Variants in ABCA6 observed in about 807,000 individuals in gnomAD.
ABCA6 encodes ATP binding cassette subfamily A member 6, also known as ATP-binding cassette sub-family A member 6.
A neutral mutation model predicts 191.2 loss-of-function variants in ABCA6; 164 were observed. The observed-to-expected ratio is 0.86, with a 90% confidence interval of 0.76 to 0.98. The LOEUF (loss-of-function observed/expected upper bound fraction) is 0.98. ABCA6 is among the 50% of genes least tolerant of loss of function. The pLI, the probability that ABCA6 is intolerant of heterozygous loss-of-function variation, is 0.00. For synonymous variants in ABCA6, 636 were observed against 647.7 expected (o/e 0.98, Z 0.27); for missense variants, 1,958 against 1,894.1 (o/e 1.03, Z -0.63).
intron 25 of ABCA6, 117 bp downstream of exon 25, chr17:69,096,123 T>C: frequency 4.9e-6 from 2 of 412,190 alleles, no homozygotes; most frequent in Non-Finnish European, 8.5e-6. Flanking sequence ...TTTTCTATGG[T>C]GTAATTTTGA....
intron 22 of ABCA6, among the ~76,000 whole-genome samples, 191 bp downstream of exon 22, chr17:69,100,606 C>T (rs560946831): frequency 4.8e-5 from 7 of 146,622 alleles, no homozygotes; most frequent in Non-Finnish European, 9.0e-5. Context: ...TATTCCCTCA[C>T]GATAATTATC....
intron 36 of ABCA6, among the ~76,000 whole-genome samples, chr17:69,082,494 C>T (rs1198714356): frequency 2.0e-5 from 3 of 152,088 alleles, no homozygotes; most frequent in Admixed American, 2.0e-4. Context: ...GGAAAATTCA[C>T]CCTAAATATT....
rs777188865 is a variant in ABCA6, at chr17:69,084,483, A to C, written c.4209T>G (p.His1403Gln). Residue 1403 changes from histidine to glutamine, a missense_variant, in exon 33 of 39, where the codon CAT becomes CAG. Coordinates refer to ENST00000284425, the MANE Select transcript of ABCA6 (RefSeq NM_080284.3). ...IARLVSAFKL[H>Q]EQLNVPVQKL... is the part of the protein sequence containing the mutation. ...TCTGCACAGGAACATTCAGCTGCTCATGCAGTTTGAAAGCACTCACTAATC... is the reference window on the plus strand; with the variant it reads ...TCTGCACAGGAACATTCAGCTGCTCCTGCAGTTTGAAAGCACTCACTAATC... 6.2e-7 allele frequency: 1 copy of C among 1,614,170 alleles called. No homozygotes were observed. The highest frequency in any genetic ancestry group is 1.1e-5 in the South Asian group (1 of 91,092).
chr17:69,120,170 A>C (rs1422020607), intron 10 of ABCA6, among the ~76,000 whole-genome samples: 1 of 152,076 alleles, frequency 6.6e-6, no homozygotes, highest in African/African-American at 2.4e-5. Flanking sequence ...TATAAAGGTA[A>C]ATTCTGACGA....
Position 69,137,310 on chromosome 17 carries a change from G to A in ABCA6, c.287C>T (p.Ala96Val). 1 of 1,612,352 alleles carries A rather than the reference G, an allele frequency of 6.2e-7. No individual in the cohort carries two copies. Among genetic ancestry groups the A allele is most frequent in the East Asian group, 2.2e-5 (1 of 44,804 alleles). Residue 96 changes from alanine (A) to valine (V), a missense_variant, in exon 3 of 39, where the codon GCT (alanine) becomes GTT (valine). Transcript: ENST00000284425. ...TQQIMNKTAL[A>V]PLLKGTSVIG... ...AGTACACCTACCTTTCAAAAGAGGA[G>A]CAAGTGCTGTTTTATTCATTATCTG...
chr17:69,088,877 T>C (rs969085586), intron 27 of ABCA6, among the ~76,000 whole-genome samples: 3 of 152,218 alleles, frequency 2.0e-5, no homozygotes, highest in African/African-American at 7.2e-5. Context: ...GACCCTGGAT[T>C]GAGCCGGGGT....
intron 22 of ABCA6, among the ~76,000 whole-genome samples, chr17:69,100,205 G>T (rs767921011): frequency 2.8e-4 from 42 of 152,112 alleles, no homozygotes; most frequent in Non-Finnish European, 4.9e-4. Flanking sequence ...CAATGTAGGG[G>T]GTCCTCTGCT....
chr17:69,127,836 G>C (rs1338821911), intron 8 of ABCA6, among the ~76,000 whole-genome samples: 1 of 152,066 alleles, frequency 6.6e-6, no homozygotes, highest in Non-Finnish European at 1.5e-5. Flanking sequence ...GTTTGTAGCA[G>C]CTTTATTAAA....
intron 20 of ABCA6, 29 bp from the exon 21 acceptor site, chr17:69,102,997 T>C (rs759227812): frequency 1.5e-5 from 21 of 1,363,476 alleles, no homozygotes; most frequent in African/African-American, 5.8e-5. Context: ...GAGAAGGCCA[T>C]AGAAAAGTAA....
intron 6 of ABCA6, 89 bp downstream of exon 6, chr17:69,133,551 TA>T: frequency 9.7e-7 from 1 of 1,026,358 alleles, no homozygotes; most frequent in South Asian, 1.7e-5. Context: ...GCATCAAGTT[TA>T]AACCATGATG....
At position 69,088,206 on chromosome 17, in the gene ABCA6, T is replaced by C; in HGVS notation, c.3659A>G (p.Lys1220Arg). The part of the protein sequence containing the change: ...FVFVLRCMEL[K>R]CGKKRMRKDP... ...TTTTCGCATTCTTTTCTTTCCACAT[T>C]TTAGTTCCATGCATCTTAGAACAAA... The change falls in exon 28 of 39, where the codon AAA becomes AGA. Residue 1220 changes from lysine to arginine, a missense_variant. By Grantham distance (26) the Lys-to-Arg change is conservative. Coordinates refer to ENST00000284425, the MANE Select transcript of ABCA6 (RefSeq NM_080284.3). 1 of 1,612,912 alleles carries C rather than the reference T, an allele frequency of 6.2e-7. No individual in the cohort carries two copies. The highest frequency in any genetic ancestry group is 8.5e-7 in the Non-Finnish European group (1 of 1,179,438).
At position 69,133,680 on chromosome 17, in the gene ABCA6, T is replaced by C. The variant is rs747208174; in HGVS notation, c.752A>G (p.Asn251Ser). 1.1e-5 allele frequency: 18 copies of C among 1,606,744 alleles called. No homozygotes were observed. Among genetic ancestry groups the C allele is most frequent in the East Asian group, 2.2e-5 (1 of 44,632 alleles). The change falls in exon 6 of 39, where the codon AAT becomes AGT. Residue 251 changes from asparagine to serine, a missense_variant. Transcript: ENST00000284425. ...NVTKERKKSK[N>S]LMKMMGLQDS... The stretch of plus-strand genomic sequence containing the variant: ...TTGGAGACCCATCATTTTCATCAAA[T>C]TCTTAGACTTTTTTCTCTCTTTTGT...
rs767573892 is a variant in ABCA6 at position 69,079,234 on chromosome 17, G to T, written c.4728C>A (p.Ser1576Arg). The T allele has an allele frequency of 1.2e-6, 2 of 1,607,928 alleles. No individual in the cohort carries two copies. Residue 1576 changes from serine (S) to arginine (R), a missense_variant, in exon 38 of 39, where the codon AGC becomes AGA. Transcript: ENST00000284425. ...VKHNFNLEEY[S>R]LSQCTLEKVF... Reference sequence around the variant, plus strand: ...CCTTCTCCAGTGTGCACTGAGAAAGGCTGTATTCTTCCAGGTTAAAGTTAT... The same window carrying T: ...CCTTCTCCAGTGTGCACTGAGAAAGTCTGTATTCTTCCAGGTTAAAGTTAT...
At chr17:69,096,549 CTT>C in intron 24 of ABCA6, 77 bp downstream of exon 24, 1 of 1,117,904 alleles carries the variant, frequency 8.9e-7, no homozygotes, top group Middle Eastern at 3.1e-4. Flanking sequence ...ATTAAAACAT[CTT>C]AACTACTTAA....
chr17:69,085,518 G>C, intron 31 of ABCA6, 107 bp downstream of exon 31: 1 of 474,248 alleles, frequency 2.1e-6, no homozygotes, highest in Non-Finnish European at 3.2e-6. Flanking sequence ...TTATCCAAAG[G>C]CAAAAAAAAA....
intron 10 of ABCA6, among the ~76,000 whole-genome samples, chr17:69,121,925 C>A (rs1343755775): frequency 6.6e-6 from 1 of 151,904 alleles, no homozygotes; most frequent in Non-Finnish European, 1.5e-5. Context: ...GCGCTGTTGC[C>A]CCTCTCAGAA....
In ABCA6 at chr17:69,088,258, G is replaced by A; in HGVS notation, c.3607C>T (p.Pro1203Ser). 6.3e-7 allele frequency: 1 copy of A among 1,599,876 alleles called. No individual in the cohort carries two copies. The highest frequency in any genetic ancestry group is 1.1e-5 in the South Asian group (1 of 88,980). ...ACGAATAGCAAAGTCTGAAAGTAGG[G>A]CTATGAGCAAAGAAATACAGTTATA... ...SATDFLVCFI[P>S]YFQTLLFVFV... The change falls in exon 28 of 39, where the codon CCC becomes TCC. Residue 1203 changes from proline (P) to serine (S), a missense_variant and splice_region_variant. Transcript: ENST00000284425.
rs2144626164 is a variant in ABCA6, at chr17:69,091,871, G to A, written c.3409-609C>T. 1.3e-5 allele frequency among the ~76,000 whole-genome samples: 2 copies of A among 152,282 alleles called. 1 individual carries two copies. Among genetic ancestry groups the A allele is most frequent in the Non-Finnish European group, 2.9e-5 (2 of 68,020 alleles). ...TATTAAATTTAATCCAAGACAAGAG[G>A]ATAGAGGGATTACCTTTTTATGGCT... is the stretch of plus-strand genomic sequence containing the variant. On this transcript the variant is annotated intron_variant, in intron 25 of 38. Transcript: ENST00000284425.
chr17:69,105,204 C>G (rs534447954), intron 20 of ABCA6: 1 of 406,310 alleles, frequency 2.5e-6, no homozygotes, highest in East Asian at 4.9e-5. Context: ...CATGTAATAG[C>G]TTAGGGTAGT....
Sources: allele counts gnomAD v4.1 joint callset (sites outside exome capture counted in the v4.1 genomes callset), GRCh38; gene constraint gnomAD v4.1.1; transcripts MANE v1.5; gene names NCBI Gene and HGNC (gene_info 2026-07-23, HGNC 2026-07-21).